CCAR2: variants seen among roughly 807,000 people sequenced by gnomAD.
CCAR2 encodes cell cycle and apoptosis regulator protein 2.
Under a neutral mutation model 108.1 loss-of-function variants are expected in CCAR2, and 21 were observed. That is an observed-to-expected ratio of 0.19 (90% CI 0.14 to 0.28). The LOEUF (loss-of-function observed/expected upper bound fraction) is 0.28. CCAR2 is among the 10% of genes least tolerant of loss of function. The probability of loss-of-function intolerance (pLI) is 1.00; values close to 1 mark genes in which losing one functional copy is unlikely to be tolerated. For synonymous variants in CCAR2, 577 were observed against 472.8 expected, an observed-to-expected ratio of 1.22 and a Z score of -2.86; for missense variants, 1,126 against 1,177.0, an observed-to-expected ratio of 0.96 and a Z score of 0.63.
chr8:22,613,493 T>C (rs1204258089), intron 8 of CCAR2, among the ~76,000 whole-genome samples: 1 of 152,186 alleles, frequency 6.6e-6, no homozygotes, highest in Non-Finnish European at 1.5e-5. Context: ...CCTGTGTGTT[T>C]GTTGCGATCA....
chr8:22,619,450 G>A (rs766275642), intron 20 of CCAR2, 95 bp downstream of exon 20: 15 of 1,460,706 alleles, frequency 1.0e-5, no homozygotes, highest in South Asian at 1.3e-5. Context: ...AGTGACCAGA[G>A]GGCCAGCAGG....
At chr8:22,621,272 G>A (rs1409895864), downstream of CCAR2, 12 of 1,084,480 alleles carry the variant, frequency 1.1e-5, no homozygotes, top group Non-Finnish European at 2.6e-6. Context: ...CCTGGTGCCA[G>A]GCTCAGGAAG....
Position 22,613,085 on chromosome 8 carries a change from G to A in CCAR2, c.653G>A (p.Arg218Lys). 1 of 1,613,040 alleles carries A rather than the reference G, an allele frequency of 6.2e-7. No individual in the cohort carries two copies. Among genetic ancestry groups the A allele is most frequent in the Non-Finnish European group, 8.5e-7 (1 of 1,179,766 alleles). Residue 218 changes from arginine to lysine, a missense_variant, in exon 8 of 21, where the codon AGG (arginine) becomes AAG (lysine). This residue lies in a region of CCAR2 where 1,013 missense variants were observed against 993.9 expected (regional missense o/e 1.02). Coordinates refer to ENST00000308511, the MANE Select transcript of CCAR2 (RefSeq NM_001393997.1). ...GGEPWGAKKP[R>K]HDLPPYRVHL... The stretch of plus-strand genomic sequence containing the variant: ...GAGCCCTGGGGTGCTAAGAAGCCAA[G>A]GCATGACCTGCCTCCTTACCGGGTC...
At chr8:22,619,501 C>A in intron 20 of CCAR2, 137 bp from the exon 21 acceptor site, 2 of 1,402,372 alleles carry the variant, frequency 1.4e-6, no homozygotes, top group African/African-American at 2.8e-5. Context: ...GCAGTGTGCC[C>A]CTGGTTGCAG....
chr8:22,616,367 T>C lies in CCAR2; in HGVS notation c.1845+119T>C, dbSNP rs575909808. The C allele has an allele frequency of 7.5e-5, 70 of 928,696 alleles. No homozygotes were observed. In the East Asian group the frequency reaches 1.4e-3, roughly 18 times the overall value. 57.5% of individuals were successfully genotyped at this position (928,696 alleles called of 1,614,324 possible). ...TCATTCCCTGCACCCTTGCTCGGCA[T>C]GGACTGAGGCCGCACAGCTAGTAAG... On this transcript the variant is annotated intron_variant, in intron 14 of 20. Transcript: ENST00000308511.
chr8:22,605,636 C>T lies in CCAR2; in HGVS notation c.-38-100C>T, dbSNP rs543563288. On this transcript the variant is annotated intron_variant, in intron 1 of 20. Coordinates refer to ENST00000308511, the MANE Select transcript of CCAR2 (RefSeq NM_001393997.1). ...TTCATTCATTCTTATTACCCACCTC[C>T]CTGTTTTCCGAAATATCCTTACTTA... is the stretch of plus-strand genomic sequence containing the variant. The T allele has an allele frequency of 2.2e-4, 153 of 688,456 alleles. 2 individuals are homozygous for T. In the South Asian group the frequency reaches 2.4e-3, roughly 11 times the overall value. The allele number at this position is 688,456 out of a possible 1,614,324, so 42.6% of individuals were successfully genotyped here. A position where few individuals can be genotyped will look rare whatever the true frequency, so the allele number is the denominator to read the frequency against.
intron 7 of CCAR2, 35 bp from the exon 8 acceptor site, chr8:22,612,982 T>C: frequency 6.2e-7 from 1 of 1,600,116 alleles, no homozygotes; most frequent in Non-Finnish European, 8.5e-7. Context: ...TATAACAATG[T>C]GGTTTCTTAC....
At chr8:22,608,126 T>C (rs1801150159) in intron 7 of CCAR2, 61 bp downstream of exon 7, 1 of 1,354,524 alleles carries the variant, frequency 7.4e-7, no homozygotes, top group Non-Finnish European at 1.0e-6. Context: ...CTTTATTTTA[T>C]TATTATTTTT....
intron 7 of CCAR2, among the ~76,000 whole-genome samples, chr8:22,611,971 G>T (rs1219868039): frequency 6.7e-6 from 1 of 149,642 alleles, no homozygotes; most frequent in Non-Finnish European, 1.5e-5. Flanking sequence ...GTGAGACAGA[G>T]TATCGCTTTG....
At chr8:22,616,344 A>C in intron 14 of CCAR2, 96 bp downstream of exon 14, 51 of 1,117,046 alleles carry the variant, frequency 4.6e-5, no homozygotes, top group Non-Finnish European at 6.1e-5. Flanking sequence ...GCCTTAGCTC[A>C]TTCCCTGCAC....
intron 7 of CCAR2, among the ~76,000 whole-genome samples, chr8:22,611,418 ATATGTGTGTATATATG>A (rs1801276408): frequency 1.9e-5 from 2 of 103,290 alleles, no homozygotes; most frequent in East Asian, 5.4e-4. Flanking sequence ...GTGTGTGTAT[ATATGTGTGTATATATG>A]TGTGTGTGTA....
chr8:22,606,767 C>A (rs1801095473), intron 4 of CCAR2, 69 bp downstream of exon 4: 1 of 1,455,748 alleles, frequency 6.9e-7, no homozygotes, highest in Non-Finnish European at 9.6e-7. Flanking sequence ...GCTGGTATTG[C>A]CCCCACCCGC....
intron 7 of CCAR2, among the ~76,000 whole-genome samples, chr8:22,608,924 T>A (rs74844486): frequency 0.014 from 2,205 of 152,338 alleles, 24 homozygotes; most frequent in Middle Eastern, 0.058. Context: ...CCTCCATCTA[T>A]TCACTGCTCC....
At position 22,619,338 on chromosome 8, in the gene CCAR2, C is replaced by G. The variant is rs199713096; in HGVS notation, c.2710C>G (p.Gln904Glu). The G allele has an allele frequency of 7.1e-6, 11 of 1,560,256 alleles. No individual in the cohort carries two copies. The highest frequency in any genetic ancestry group is 2.4e-5 in the East Asian group (1 of 41,874). ...TCTGACCCCCCTGCAGCTGGAGATC[C>G]AGCGGGTGGTGGAAAAGGTAAGGTG... Reference protein sequence around the residue: ...RRLTPLQLEIQRVVEKADSWV... With the variant: ...RRLTPLQLEIERVVEKADSWV... Residue 904 changes from glutamine (Q) to glutamate (E), a missense_variant, in exon 20 of 21, where the codon CAG (glutamine) becomes GAG (glutamate). By Grantham distance (29) the Gln-to-Glu change is conservative (BLOSUM62 2). Around this residue, in one of 4 missense-constraint regions of CCAR2, gnomAD observed 1,013 missense variants for 993.9 expected, o/e 1.02. Coordinates refer to ENST00000308511, the MANE Select transcript of CCAR2 (RefSeq NM_001393997.1).
rs200680140 is a variant in CCAR2, at chr8:22,604,806, G to A, written c.-75G>A. ...AGCAGCGGCTGTGGTGGTTCCGGGT[G>A]TCTTTGTCCCCCCGGTGTCGCTGCC... On this transcript the variant is annotated 5_prime_UTR_variant, in exon 1 of 21. Coordinates refer to ENST00000308511, the MANE Select transcript of CCAR2 (RefSeq NM_001393997.1). 5 of 455,392 alleles carry A rather than the reference G, an allele frequency of 1.1e-5. No individual in the cohort carries two copies. Among genetic ancestry groups the A allele is most frequent in the Non-Finnish European group, 2.2e-5 (5 of 226,860 alleles). The allele number at this position is 455,392 out of a possible 1,614,324, so 28.2% of individuals were successfully genotyped here.
chr8:22,621,346 G>C (rs1488849484), downstream of CCAR2: 31 of 1,515,882 alleles, frequency 2.0e-5, no homozygotes, highest in South Asian at 5.0e-5. Flanking sequence ...CCTGTGAGAG[G>C]AGCAGCTAGC....
intron 8 of CCAR2, chr8:22,613,839 T>C (rs1801391499): frequency 4.3e-6 from 2 of 467,768 alleles, no homozygotes; most frequent in Non-Finnish European, 7.6e-6. Flanking sequence ...TGAGTTCCTT[T>C]ATATTAAGGC....
intron 20 of CCAR2, 62 bp from the exon 21 acceptor site, chr8:22,619,576 G>A (rs1801675476): frequency 2.0e-6 from 3 of 1,536,036 alleles, no homozygotes; most frequent in Non-Finnish European, 2.6e-6. Context: ...GCAGTCCGCA[G>A]TCCGCAGTCC....
Position 22,604,872 on chromosome 8 carries a change from TGCCCCTTC to T in CCAR2, c.-39+37_-39+44del, listed in dbSNP as rs1200462077. ...GTTGGGGGGCCCCCTGCCGCCCCTC[TGCCCCTTC>T]GCCCCTCCGCCCCTCCGCTGGCCGA... On this transcript the variant is annotated intron_variant, in intron 1 of 20. Coordinates refer to ENST00000308511, the MANE Select transcript of CCAR2 (RefSeq NM_001393997.1). 1.6e-5 allele frequency: 7 copies of T among 447,268 alleles called. No individual in the cohort carries two copies. The East Asian group carries it at 5.1e-4, about 33-fold the overall frequency. 27.7% of individuals were successfully genotyped at this position (447,268 alleles called of 1,614,324 possible).
Sources: allele counts gnomAD v4.1 joint callset (sites outside exome capture counted in the v4.1 genomes callset), GRCh38; gene constraint gnomAD v4.1.1; regional missense constraint gnomAD v4.1.1; transcripts MANE v1.5; gene names NCBI Gene and HGNC (gene_info 2026-07-23, HGNC 2026-07-21).